The following KRT23 variants were observed in gnomAD, a reference collection of about 807,000 sequenced individuals.
KRT23 encodes keratin 23, also known as keratin, type I cytoskeletal 23.
A neutral mutation model predicts 47.6 loss-of-function variants in KRT23; 38 were observed. The observed-to-expected ratio is 0.80, with a 90% confidence interval of 0.62 to 1.05. The LOEUF (loss-of-function observed/expected upper bound fraction) is 1.05, where lower values mean the gene tolerates loss of function less well. Ranked by LOEUF, KRT23 falls within the 50% of genes least tolerant of loss-of-function variation. KRT23 has a pLI of 0.00. For synonymous variants in KRT23, 191 were observed against 199.0 expected (o/e 0.96, Z 0.34); for missense variants, 503 against 529.5 (o/e 0.95, Z 0.49).
intron 6 of KRT23, 145 bp downstream of exon 6, chr17:40,928,093 G>A (rs1909343059): frequency 1.0e-6 from 1 of 997,530 alleles, no homozygotes; most frequent in Non-Finnish European, 1.5e-6. Context: ...CCTTTATTAT[G>A]GTTCTCATCA....
intron 2 of KRT23, among the ~76,000 whole-genome samples, chr17:40,933,134 T>C (rs527281007): frequency 6.6e-6 from 1 of 152,336 alleles, no homozygotes; most frequent in South Asian, 2.1e-4. Flanking sequence ...AGCACTTTTA[T>C]AGATTCAGTG....
intron 2 of KRT23, among the ~76,000 whole-genome samples, chr17:40,932,093 C>T (rs186837261): frequency 9.9e-5 from 15 of 151,528 alleles, no homozygotes; most frequent in Non-Finnish European, 1.8e-4. Context: ...TTTTTTTGCC[C>T]GAAGTGACTG....
In KRT23 at chr17:40,922,711, G is replaced by A. The variant is rs1908996880; in HGVS notation, c.*278C>T. 2 of 302,752 alleles carry A rather than the reference G, an allele frequency of 6.6e-6. No homozygotes were observed. Among genetic ancestry groups the A allele is most frequent in the Admixed American group, 1.0e-4 (2 of 20,058 alleles). 18.8% of individuals were successfully genotyped at this position (302,752 alleles called of 1,614,324 possible). Reference sequence around the variant, plus strand: ...AAAGACACGATGCAGCTAGTGCGGAGTTTTATTGGCTACAAAATAGATGCA... The same window carrying A: ...AAAGACACGATGCAGCTAGTGCGGAATTTTATTGGCTACAAAATAGATGCA... On this transcript the variant is annotated 3_prime_UTR_variant, in exon 9 of 9. Transcript: ENST00000209718.
chr17:40,925,556 T>C lies in KRT23; in HGVS notation c.940A>G (p.Met314Val), dbSNP rs144045609. The change falls in exon 7 of 9, where the codon ATG becomes GTG. Residue 314 changes from methionine (M) to valine (V), a missense_variant. By Grantham distance (21) the Met-to-Val change is conservative. Transcript: ENST00000209718. ...QYSTKSALEN[M>V]LSETQSRYSC... The stretch of plus-strand genomic sequence containing the variant: ...TACCGAGACTGGGTCTCGGATAACA[T>C]GTTTTCCAAAGCAGATTTCTGAAAG... 6.1e-5 allele frequency: 98 copies of C among 1,613,422 alleles called. No homozygotes were observed. The highest frequency in any genetic ancestry group is 8.1e-5 in the Non-Finnish European group (96 of 1,179,600).
rs2143539956 is a variant in KRT23 at position 40,936,471 on chromosome 17, G to A, written c.133C>T (p.Leu45=). The change falls in exon 2 of 9, where the codon CTG becomes TTG. Residue 45 remains leucine (L), a synonymous_variant. Transcript: ENST00000209718. ...GGGCAGCTCCGCGTGGTGAAGGACA[G>A]GGAGATGCGGGCTCCCCCCGCACCG... The part of the protein sequence containing the change: ...HGGAGGARIS[L]SFTTRSCPPP... 1 of 1,582,046 alleles carries A rather than the reference G, an allele frequency of 6.3e-7. No individual in the cohort carries two copies. Among genetic ancestry groups the A allele is most frequent in the African/African-American group, 1.3e-5 (1 of 74,126 alleles).
In KRT23 at chr17:40,931,435, G is replaced by A; in HGVS notation, c.417C>T (p.Thr139=). The stretch of plus-strand genomic sequence containing the variant: ...CAATGAGAAGAATAATCTGAGCATT[G>A]GTCATCTTACCATCCACTATCTGTA... The part of the protein sequence containing the change: ...LQEQIVDGKM[T]NAQIILLIDN... The change falls in exon 3 of 9, where the codon ACC becomes ACT. Residue 139 remains threonine, a synonymous_variant. Coordinates refer to ENST00000209718, the MANE Select transcript of KRT23 (RefSeq NM_015515.5). The A allele has an allele frequency of 1.2e-6, 2 of 1,613,584 alleles. No individual in the cohort carries two copies. Among genetic ancestry groups the A allele is most frequent in the Non-Finnish European group, 1.7e-6 (2 of 1,179,520 alleles).
At chr17:40,935,791 C>G (rs543677584) in intron 2 of KRT23, among the ~76,000 whole-genome samples, 1 of 152,198 alleles carries the variant, frequency 6.6e-6, no homozygotes, top group Non-Finnish European at 1.5e-5. Flanking sequence ...AAAGTAAACA[C>G]TCTCTTATGC....
chr17:40,930,001 A>G lies in KRT23; in HGVS notation c.575T>C (p.Leu192Pro), dbSNP rs1357795667. Reference sequence around the variant, plus strand: ...CCTCATTCCTTCCACCTCCTGTTCTAGGTCTGTTGTGACAATGGTCAGGTT... The same window carrying G: ...CCTCATTCCTTCCACCTCCTGTTCTGGGTCTGTTGTGACAATGGTCAGGTT... ...LDNLTIVTTDLEQEVEGMRKE... is the reference protein window; with the variant it reads ...LDNLTIVTTDPEQEVEGMRKE... Residue 192 changes from leucine to proline, a missense_variant, in exon 4 of 9, where the codon CTA becomes CCA. Leu to Pro is a moderately conservative substitution (Grantham distance 98). Coordinates refer to ENST00000209718, the MANE Select transcript of KRT23 (RefSeq NM_015515.5). 1 of 1,613,952 alleles carries G rather than the reference A, an allele frequency of 6.2e-7. No homozygotes were observed. Among genetic ancestry groups the G allele is most frequent in the Non-Finnish European group, 8.5e-7 (1 of 1,180,006 alleles).
At position 40,936,370 on chromosome 17, in the gene KRT23, A is replaced by T. The variant is rs769019324; in HGVS notation, c.234T>A (p.Asn78Lys). 5.0e-6 allele frequency: 8 copies of T among 1,614,138 alleles called. No individual in the cohort carries two copies. The South Asian group carries it at 7.7e-5, about 16-fold the overall frequency. The part of the protein sequence containing the change: ...LGGNGKATMQ[N>K]LNDRLASYLE... ...GGTAGGAGGCCAGGCGGTCGTTGAG[A>T]TTCTGCATGGTGGCCTTCCCATTTC... Residue 78 changes from asparagine (N) to lysine (K), a missense_variant, in exon 2 of 9, where the codon AAT (asparagine) becomes AAA (lysine). By Grantham distance (94) the Asn-to-Lys change is moderately conservative. Coordinates refer to ENST00000209718, the MANE Select transcript of KRT23 (RefSeq NM_015515.5).
chr17:40,924,360 A>G, intron 8 of KRT23, 112 bp downstream of exon 8: 1 of 808,508 alleles, frequency 1.2e-6, no homozygotes, highest in South Asian at 1.6e-5. Context: ...GACCCAGGAC[A>G]TTTTGAACCC....
chr17:40,923,819 A>C (rs755820350), intron 8 of KRT23, among the ~76,000 whole-genome samples: 1 of 152,228 alleles, frequency 6.6e-6, no homozygotes, highest in Non-Finnish European at 1.5e-5. Flanking sequence ...TAGGTTTATC[A>C]CAAACTAATC....
chr17:40,924,417 T>C, intron 8 of KRT23, 55 bp downstream of exon 8: 1 of 1,425,298 alleles, frequency 7.0e-7, no homozygotes, highest in Non-Finnish European at 9.9e-7. Flanking sequence ...ACAAAATGGA[T>C]AACCATGCTA....
chr17:40,936,355 C>G lies in KRT23; in HGVS notation c.249G>C (p.Leu83=). Residue 83 remains leucine (L), a synonymous_variant, in exon 2 of 9, where the codon CTG becomes CTC. Transcript: ENST00000209718. ...CGCGAACCTTCTCCAGGTAGGAGGCCAGGCGGTCGTTGAGATTCTGCATGG... is the reference window on the plus strand; with the variant it reads ...CGCGAACCTTCTCCAGGTAGGAGGCGAGGCGGTCGTTGAGATTCTGCATGG... The part of the protein sequence containing the change: ...KATMQNLNDR[L]ASYLEKVRAL... The G allele has an allele frequency of 6.2e-7, 1 of 1,614,226 alleles. No individual in the cohort carries two copies. Among genetic ancestry groups the G allele is most frequent in the Admixed American group, 1.7e-5 (1 of 60,030 alleles).
At chr17:40,929,789 T>C in intron 4 of KRT23, 151 bp downstream of exon 4, 2 of 583,796 alleles carry the variant, frequency 3.4e-6, no homozygotes, top group South Asian at 7.3e-5. Context: ...TTAGAAACAT[T>C]AGATATTTGT....
intron 2 of KRT23, among the ~76,000 whole-genome samples, chr17:40,935,602 T>C (rs1404254035): frequency 6.6e-6 from 1 of 152,212 alleles, no homozygotes; most frequent in African/African-American, 2.4e-5. Context: ...GTCAGAACTG[T>C]GAGCAACTTT....
Position 40,925,438 on chromosome 17 carries a change from T to G in KRT23, c.1058A>C (p.Glu353Ala). 1 of 1,614,140 alleles carries G rather than the reference T, an allele frequency of 6.2e-7. No individual in the cohort carries two copies. The highest frequency in any genetic ancestry group is 1.3e-5 in the African/African-American group (1 of 75,042). ...LRHELERQNN[E>A]YQVLLGIKTH... ...TTTGATGCCCAGCAGCACTTGGTAT[T>G]CATTGTTCTGCCGCTCCAGTTCATG... The change falls in exon 7 of 9, where the codon GAA becomes GCA. Residue 353 changes from glutamate to alanine, a missense_variant. Transcript: ENST00000209718.
rs765150762 is a variant in KRT23, at chr17:40,928,363, G to A, written c.799-3C>T. On this transcript the variant is annotated splice_polypyrimidine_tract_variant and splice_region_variant and intron_variant, in intron 5 of 8. Transcript: ENST00000209718. ...GCCTCCTGGGACATGGCTGCAGACT[G>A]TGGGACCAAGCAAGGCAAAGGCGTC... 1.2e-6 allele frequency: 2 copies of A among 1,614,208 alleles called. No individual in the cohort carries two copies. Among genetic ancestry groups the A allele is most frequent in the Non-Finnish European group, 1.7e-6 (2 of 1,180,042 alleles).
intron 4 of KRT23, 186 bp downstream of exon 4, chr17:40,929,754 G>A: frequency 2.0e-6 from 1 of 498,664 alleles, no homozygotes; most frequent in Non-Finnish European, 3.5e-6. Context: ...TGTTGTATTT[G>A]ACATGTGACT....
Position 40,924,485 on chromosome 17 carries a change from C to T in KRT23, c.1161G>A (p.Lys387=). 6.8e-6 allele frequency: 11 copies of T among 1,613,320 alleles called. No individual in the cohort carries two copies. The highest frequency in any genetic ancestry group is 9.3e-6 in the Non-Finnish European group (11 of 1,179,332). The stretch of plus-strand genomic sequence containing the variant: ...GAAATTTTTTACCTTTCATGCTCGA[C>T]TTTGATTCTTCCCGTGTCCTATAAA... The part of the protein sequence containing the change: ...GESEGTREES[K]SSMKVSATPK... The change falls in exon 8 of 9, where the codon AAG becomes AAA. Residue 387 remains lysine (K), a synonymous_variant. Transcript: ENST00000209718.
Sources: allele counts gnomAD v4.1 joint callset (sites outside exome capture counted in the v4.1 genomes callset), GRCh38; gene constraint gnomAD v4.1.1; transcripts MANE v1.5; gene names NCBI Gene and HGNC (gene_info 2026-07-23, HGNC 2026-07-21).